Variants in LIPI observed in about 807,000 individuals in gnomAD.
LIPI encodes the protein lipase member I.
Under a neutral mutation model 50.6 loss-of-function variants are expected in LIPI, and 59 were observed. That is an observed-to-expected ratio of 1.16 (90% CI 0.94 to 1.45). The LOEUF is 1.45. Ranked by LOEUF, LIPI falls within the 40% of genes most tolerant of loss-of-function variation. The pLI, the probability that LIPI is intolerant of heterozygous loss-of-function variation, is 0.00. For synonymous variants in LIPI, 203 were observed against 178.2 expected (o/e 1.14, Z -1.11); for missense variants, 586 against 536.3 (o/e 1.09, Z -0.92).
chr21:14,157,201 C>T (rs2123115901), intron 7 of LIPI, among the ~76,000 whole-genome samples: 1 of 151,972 alleles, frequency 6.6e-6, no homozygotes, highest in South Asian at 2.1e-4. Context: ...TCCTGACTTG[C>T]TGATTTGGGA....
At chr21:14,150,361 G>T (rs1234251803) in intron 8 of LIPI, among the ~76,000 whole-genome samples, 1 of 152,138 alleles carries the variant, frequency 6.6e-6, no homozygotes, top group Non-Finnish European at 1.5e-5. Context: ...TCTGTTCCCT[G>T]ACTGTATTGC....
intron 2 of LIPI, among the ~76,000 whole-genome samples, chr21:14,188,698 C>T (rs368444789): frequency 2.0e-5 from 3 of 151,976 alleles, no homozygotes; most frequent in East Asian, 3.9e-4. Context: ...TTATTTCCCC[C>T]ACCCACATAG....
intron 8 of LIPI, 45 bp from the exon 9 acceptor site, chr21:14,144,844 CAT>C (rs778617460): frequency 1.5e-6 from 2 of 1,334,320 alleles, no homozygotes. Context: ...TAATTTGAAA[CAT>C]AACTCAATTC....
chr21:14,148,490 ATGACACTATATTTTCAC>A (rs1169632538), intron 8 of LIPI, among the ~76,000 whole-genome samples: 1 of 152,194 alleles, frequency 6.6e-6, no homozygotes, highest in African/African-American at 2.4e-5. Context: ...CCATAAAATT[ATGACACTATATTTTCAC>A]TGTACCTTTT....
At chr21:14,175,524 T>C (rs1232162464) in intron 4 of LIPI, among the ~76,000 whole-genome samples, 1 of 152,190 alleles carries the variant, frequency 6.6e-6, no homozygotes, top group Non-Finnish European at 1.5e-5. Flanking sequence ...AAAGTATTTA[T>C]AACAGTCTCA....
chr21:14,187,948 C>A (rs1294089510), intron 2 of LIPI, among the ~76,000 whole-genome samples: 1 of 152,190 alleles, frequency 6.6e-6, no homozygotes, highest in Non-Finnish European at 1.5e-5. Flanking sequence ...CCCATCCAGT[C>A]TGACCCCTGG....
intron 9 of LIPI, among the ~76,000 whole-genome samples, chr21:14,130,156 A>G (rs1431823789): frequency 6.6e-6 from 1 of 152,170 alleles, no homozygotes; most frequent in Admixed American, 6.5e-5. Flanking sequence ...ATTCTCCCAA[A>G]GTTTAGCCAT....
intron 3 of LIPI, among the ~76,000 whole-genome samples, chr21:14,184,438 G>A (rs1190694256): frequency 2.0e-5 from 3 of 151,752 alleles, no homozygotes; most frequent in Non-Finnish European, 2.9e-5. Flanking sequence ...TAACAAACCT[G>A]CACGTTGTGC....
At chr21:14,146,670 AATAAAAT>A (rs1172489326) in intron 8 of LIPI, among the ~76,000 whole-genome samples, 1 of 152,064 alleles carries the variant, frequency 6.6e-6, no homozygotes, top group African/African-American at 2.4e-5. Flanking sequence ...GTGCCCAGTG[AATAAAAT>A]ATAAATTCTG....
intron 7 of LIPI, among the ~76,000 whole-genome samples, chr21:14,153,713 C>T (rs1252787976): frequency 1.3e-5 from 2 of 152,050 alleles, no homozygotes; most frequent in African/African-American, 4.8e-5. Flanking sequence ...AACCTCCATG[C>T]AGGAACAGGA....
intron 9 of LIPI, among the ~76,000 whole-genome samples, chr21:14,116,763 C>T (rs866549206): frequency 2.4e-4 from 36 of 152,232 alleles, no homozygotes; most frequent in South Asian, 1.0e-3. Context: ...AAAATGGCTA[C>T]AGGCCTGCTT....
At chr21:14,206,146 TG>T (rs1240423803) in intron 1 of LIPI, among the ~76,000 whole-genome samples, 1 of 152,136 alleles carries the variant, frequency 6.6e-6, no homozygotes, top group Non-Finnish European at 1.5e-5. Flanking sequence ...TTACAATGCC[TG>T]TGAAATTGAG....
chr21:14,152,953 T>C (rs2018150252), intron 7 of LIPI, among the ~76,000 whole-genome samples: 1 of 152,132 alleles, frequency 6.6e-6, no homozygotes, highest in African/African-American at 2.4e-5. Flanking sequence ...AACAAATAGA[T>C]CCTAAATACT....
intron 1 of LIPI, among the ~76,000 whole-genome samples, chr21:14,204,691 T>C (rs549947438): frequency 6.6e-6 from 1 of 151,988 alleles, no homozygotes; most frequent in Non-Finnish European, 1.5e-5. Flanking sequence ...ACTATAATAA[T>C]TATGGCAATT....
At chr21:14,207,329 G>C (rs1416501100) in intron 1 of LIPI, among the ~76,000 whole-genome samples, 2 of 152,048 alleles carry the variant, frequency 1.3e-5, no homozygotes, top group Non-Finnish European at 2.9e-5. Context: ...TAAAGAAATG[G>C]TAACTGTTTG....
chr21:14,176,893 C>T (rs944582823), intron 4 of LIPI, among the ~76,000 whole-genome samples: 11 of 151,790 alleles, frequency 7.2e-5, no homozygotes, highest in African/African-American at 2.4e-4. Flanking sequence ...CACCCGTTAA[C>T]GCCTCATTTA....
chr21:14,121,957 AT>A (rs2016879633), intron 9 of LIPI, among the ~76,000 whole-genome samples: 1 of 152,236 alleles, frequency 6.6e-6, no homozygotes, highest in Admixed American at 6.5e-5. Flanking sequence ...TAGTCTACGC[AT>A]GGCTGAAGCC....
rs148525285 is a variant in LIPI at position 14,201,534 on chromosome 21, C to T, written c.46+9266G>A. 3.4e-3 allele frequency among the ~76,000 whole-genome samples: 522 copies of T among 152,130 alleles called. 4 individuals carry two copies. Among genetic ancestry groups the T allele is most frequent in the African/African-American group, 0.012 (484 of 41,530 alleles). On this transcript the variant is annotated intron_variant, in intron 1 of 9. Coordinates refer to ENST00000681601, the MANE Select transcript of LIPI (RefSeq NM_001302998.2). The stretch of plus-strand genomic sequence containing the variant: ...TGGCATGCAAGGCTGGTTCAACATA[C>T]GCAAATCAATAAAAGTAATCCAGCA...
At chr21:14,153,855 T>C (rs923676749) in intron 7 of LIPI, among the ~76,000 whole-genome samples, 6 of 152,186 alleles carry the variant, frequency 3.9e-5, no homozygotes, top group Non-Finnish European at 7.4e-5. Context: ...GTCTGGGTCT[T>C]ACGTGAAAAC....
Sources: gnomAD v4.1 joint callset for allele counts (sites outside exome capture counted in the v4.1 genomes callset) on GRCh38, gnomAD v4.1.1 for gene constraint, MANE v1.5 for transcripts, NCBI Gene and HGNC (gene_info 2026-07-23, HGNC 2026-07-21) for gene names.